PREX2: variants seen among roughly 807,000 people sequenced by gnomAD.
PREX2 encodes the protein phosphatidylinositol-3,4,5-trisphosphate dependent Rac exchange factor 2.
A neutral mutation model predicts 203.2 loss-of-function variants in PREX2; 107 were observed. The observed-to-expected ratio is 0.53, with a 90% CI of 0.45 to 0.62. The LOEUF (loss-of-function observed/expected upper bound fraction) is 0.62, where lower values mean the gene tolerates loss of function less well. Ranked by LOEUF, PREX2 falls within the 20% of genes least tolerant of loss-of-function variation. PREX2 has a pLI of 0.00. For missense variants in PREX2, 1,777 were observed against 1,955.9 expected (o/e 0.91, Z 1.72); for synonymous variants, 672 against 663.6 (o/e 1.01, Z -0.19).
intron 1 of PREX2, among the ~76,000 whole-genome samples, chr8:68,005,036 T>G (rs979443168): frequency 6.6e-6 from 1 of 152,200 alleles, no homozygotes; most frequent in Non-Finnish European, 1.5e-5. Context: ...CCTTATTGAT[T>G]GAAATTGCTT....
At chr8:68,194,694 G>A (rs897954209) in intron 37 of PREX2, among the ~76,000 whole-genome samples, 5 of 151,864 alleles carry the variant, frequency 3.3e-5, no homozygotes, top group Non-Finnish European at 7.4e-5. Context: ...CCAGCTACTC[G>A]GGAGGCTGAG....
chr8:68,009,369 T>C (rs1807198983), intron 1 of PREX2, among the ~76,000 whole-genome samples: 1 of 152,232 alleles, frequency 6.6e-6, no homozygotes, highest in Non-Finnish European at 1.5e-5. Flanking sequence ...CATTGTGCTG[T>C]GTTGTTCAAG....
chr8:68,216,475 TAGG>T (rs1812840089), intron 37 of PREX2, among the ~76,000 whole-genome samples: 1 of 152,198 alleles, frequency 6.6e-6, no homozygotes, highest in South Asian at 2.1e-4. Context: ...AATACAATTT[TAGG>T]AGAAGCATCT....
At chr8:67,991,341 C>T (rs959329182) in intron 1 of PREX2, among the ~76,000 whole-genome samples, 2 of 152,016 alleles carry the variant, frequency 1.3e-5, no homozygotes, top group Non-Finnish European at 2.9e-5. Flanking sequence ...AGGTAGAGAG[C>T]AAAAATGAGT....
chr8:68,086,539 G>A (rs1809698073), intron 18 of PREX2, among the ~76,000 whole-genome samples: 1 of 152,086 alleles, frequency 6.6e-6, no homozygotes, highest in South Asian at 2.1e-4. Context: ...AATTTATTGC[G>A]TTGTATTCAT....
At chr8:68,076,106 C>A (rs1358010260) in intron 14 of PREX2, among the ~76,000 whole-genome samples, 1 of 152,090 alleles carries the variant, frequency 6.6e-6, no homozygotes, top group African/African-American at 2.4e-5. Flanking sequence ...AATTTTGATA[C>A]ATTATGATTC....
chr8:68,093,821 A>G, intron 21 of PREX2, 99 bp downstream of exon 21: 1 of 561,898 alleles, frequency 1.8e-6, no homozygotes, highest in East Asian at 2.8e-5. Context: ...TGTTGAAGCC[A>G]CATTCTTAAG....
At position 68,191,773 on chromosome 8, in the gene PREX2, T is replaced by C; in HGVS notation, c.4398T>C (p.Ala1466=). The change falls in exon 36 of 40, where the codon GCT becomes GCC. Residue 1466 remains alanine (A), a synonymous_variant. Coordinates refer to ENST00000288368, the MANE Select transcript of PREX2 (RefSeq NM_024870.4). ...SNSPPNSTSK[A]AYVDKLMRPL... ...CACCACCAAACTCCACATCCAAAGC[T>C]GCCTATGTAGATAAGGTAAAAACAG... 1.2e-6 allele frequency: 2 copies of C among 1,606,984 alleles called. No homozygotes were observed. Among genetic ancestry groups the C allele is most frequent in the Non-Finnish European group, 1.7e-6 (2 of 1,173,710 alleles).
At chr8:67,984,122 T>G (rs1806346586) in intron 1 of PREX2, among the ~76,000 whole-genome samples, 1 of 152,212 alleles carries the variant, frequency 6.6e-6, no homozygotes, top group Non-Finnish European at 1.5e-5. Flanking sequence ...TGTCAGCTTC[T>G]TAGTAAAGCT....
At chr8:68,137,410 C>T (rs1426336602) in intron 32 of PREX2, among the ~76,000 whole-genome samples, 1 of 151,872 alleles carries the variant, frequency 6.6e-6, no homozygotes, top group African/African-American at 2.4e-5. Context: ...TGGGAGGTTA[C>T]ATAGGTGCAT....
At chr8:68,048,580 A>AT (rs149916446) in intron 8 of PREX2, among the ~76,000 whole-genome samples, 30 of 151,924 alleles carry the variant, frequency 2.0e-4, no homozygotes, top group Admixed American at 5.3e-4. Context: ...TGTTGAATAC[A>AT]TTTTTTTTAT....
intron 30 of PREX2, among the ~76,000 whole-genome samples, chr8:68,122,966 A>G (rs1298670764): frequency 1.3e-5 from 2 of 152,078 alleles, no homozygotes; most frequent in Non-Finnish European, 2.9e-5. Context: ...GGTGATGGGA[A>G]GAATGTATAT....
At chr8:67,974,485 A>C (rs1806014623) in intron 1 of PREX2, among the ~76,000 whole-genome samples, 2 of 152,208 alleles carry the variant, frequency 1.3e-5, no homozygotes, top group South Asian at 4.1e-4. Flanking sequence ...CAATTAGCTA[A>C]AATCCTACCT....
chr8:68,211,326 T>A (rs966545097), intron 37 of PREX2, among the ~76,000 whole-genome samples: 33 of 152,370 alleles, frequency 2.2e-4, no homozygotes, highest in Middle Eastern at 3.4e-3. Context: ...TATAACATCA[T>A]AATTTACTCC....
At chr8:67,980,441 G>A (rs1282733096) in intron 1 of PREX2, among the ~76,000 whole-genome samples, 1 of 149,378 alleles carries the variant, frequency 6.7e-6, no homozygotes. Flanking sequence ...AAAAGGATAT[G>A]CAAAATGGAG....
intron 32 of PREX2, among the ~76,000 whole-genome samples, chr8:68,137,306 C>T (rs1312516376): frequency 1.3e-5 from 2 of 151,930 alleles, no homozygotes; most frequent in Admixed American, 6.6e-5. Context: ...CTTGCTCTGT[C>T]GCCCAGGCTG....
At position 67,955,284 on chromosome 8, in the gene PREX2, G is replaced by A. The variant is rs553710938; in HGVS notation, c.141+2749G>A. On this transcript the variant is annotated intron_variant, in intron 1 of 39. Coordinates refer to ENST00000288368, the MANE Select transcript of PREX2 (RefSeq NM_024870.4). Reference sequence around the variant, plus strand: ...TAAGGAAAGAGCATCTTCCCCCACTGCCATCCCCAAGACAGCCCATGAGCA... The same window carrying A: ...TAAGGAAAGAGCATCTTCCCCCACTACCATCCCCAAGACAGCCCATGAGCA... Among the ~76,000 whole-genome samples the A allele has an allele frequency of 2.6e-5, 4 of 151,632 alleles. No individual in the cohort carries two copies. The South Asian group carries it at 8.4e-4, about 32-fold the overall frequency.
chr8:67,958,455 A>G (rs185298377), intron 1 of PREX2, among the ~76,000 whole-genome samples: 38 of 152,316 alleles, frequency 2.5e-4, no homozygotes, highest in African/African-American at 8.2e-4. Flanking sequence ...ATTATACCCT[A>G]TTATAATACC....
intron 4 of PREX2, among the ~76,000 whole-genome samples, chr8:68,023,203 C>T (rs553417907): frequency 8.5e-5 from 13 of 152,286 alleles, no homozygotes; most frequent in Non-Finnish European, 1.6e-4. Flanking sequence ...AATTAAGAAA[C>T]TGCCAAACTA....
Sources: allele counts gnomAD v4.1 joint callset (sites outside exome capture counted in the v4.1 genomes callset), GRCh38; gene constraint gnomAD v4.1.1; transcripts MANE v1.5; gene names NCBI Gene and HGNC (gene_info 2026-07-23, HGNC 2026-07-21).